The following PXDNL variants were observed in gnomAD, a reference collection of about 807,000 sequenced individuals.
The protein encoded by PXDNL is peroxidasin like, also known as probable oxidoreductase PXDNL.
Under a neutral mutation model 150.8 loss-of-function variants are expected in PXDNL, and 145 were observed. That is an observed-to-expected ratio of 0.96 (90% confidence interval 0.84 to 1.10). PXDNL has a LOEUF of 1.10. Among genes scored for constraint, PXDNL ranks in the 50% least tolerant of loss-of-function variants. PXDNL has a pLI of 0.00. For missense variants in PXDNL, 2,087 were observed against 1,873.9 expected (o/e 1.11, Z -2.10); for synonymous variants, 757 against 725.7 (o/e 1.04, Z -0.69).
chr8:51,594,589 A>C (rs1352759472), intron 2 of PXDNL, among the ~76,000 whole-genome samples: 1 of 152,202 alleles, frequency 6.6e-6, no homozygotes, highest in Non-Finnish European at 1.5e-5. Flanking sequence ...GCATAACCTA[A>C]AGTATGAGAT....
In PXDNL at chr8:51,447,053, A is replaced by C; in HGVS notation, c.1476T>G (p.Ser492Arg). 6.2e-7 allele frequency: 1 copy of C among 1,613,946 alleles called. No individual in the cohort carries two copies. Among genetic ancestry groups the C allele is most frequent in the Non-Finnish European group, 8.5e-7 (1 of 1,179,880 alleles). ...CAGACACCTTTTTCACCCCCAACGA[A>C]CTGACTGCTTGACATTCATATTGGC... The part of the protein sequence containing the change: ...DQGQYECQAV[S>R]SLGVKKVSVQ... Residue 492 changes from serine to arginine, a missense_variant, in exon 12 of 23, where the codon AGT becomes AGG. By Grantham distance (110) the Ser-to-Arg change is moderately radical (BLOSUM62 -1). Transcript: ENST00000356297.
chr8:51,597,051 ATATTT>A (rs1486793499), intron 2 of PXDNL, among the ~76,000 whole-genome samples: 8 of 152,182 alleles, frequency 5.3e-5, no homozygotes, highest in African/African-American at 1.9e-4. Flanking sequence ...TTAGATTCAA[ATATTT>A]AATCCATCTT....
chr8:51,632,149 G>A (rs1814502255), intron 2 of PXDNL, among the ~76,000 whole-genome samples: 1 of 152,090 alleles, frequency 6.6e-6, no homozygotes, highest in Non-Finnish European at 1.5e-5. Flanking sequence ...AAGAAAAAAG[G>A]ACCACTGAAG....
intron 2 of PXDNL, among the ~76,000 whole-genome samples, chr8:51,634,602 A>G (rs1814565015): frequency 6.6e-6 from 1 of 152,004 alleles, no homozygotes. Context: ...TATTCTTCCA[A>G]TCCATGAGCA....
chr8:51,745,697 G>A (rs2036976282), intron 1 of PXDNL, among the ~76,000 whole-genome samples: 2 of 151,842 alleles, frequency 1.3e-5, no homozygotes, highest in African/African-American at 2.4e-5. Context: ...GGCACCCTGA[G>A]GTCAACCTCC....
chr8:51,449,971 G>A (rs1315911157), intron 10 of PXDNL, among the ~76,000 whole-genome samples: 2 of 152,216 alleles, frequency 1.3e-5, no homozygotes, highest in Non-Finnish European at 2.9e-5. Flanking sequence ...AGGCAGAGAA[G>A]CAGTATAGGC....
chr8:51,455,540 C>T (rs1199891280), intron 9 of PXDNL, among the ~76,000 whole-genome samples: 2 of 151,972 alleles, frequency 1.3e-5, no homozygotes, highest in African/African-American at 4.8e-5. Context: ...GTGATTAGGG[C>T]ACGGGGGACT....
At chr8:51,532,587 T>G (rs1326688513) in intron 4 of PXDNL, among the ~76,000 whole-genome samples, 4 of 152,238 alleles carry the variant, frequency 2.6e-5, no homozygotes, top group African/African-American at 9.6e-5. Flanking sequence ...GTTTGCTTTT[T>G]GGTTTTTAAC....
At chr8:51,390,577 A>T (rs1163432136) in intron 17 of PXDNL, among the ~76,000 whole-genome samples, 1 of 152,164 alleles carries the variant, frequency 6.6e-6, no homozygotes, top group Non-Finnish European at 1.5e-5. Context: ...AATTTGCATG[A>T]TAACAGTTAT....
chr8:51,626,517 C>A (rs1814364147), intron 2 of PXDNL, among the ~76,000 whole-genome samples: 1 of 152,122 alleles, frequency 6.6e-6, no homozygotes, highest in African/African-American at 2.4e-5. Context: ...CCTCTGCTAT[C>A]CTCACAGCTT....
At chr8:51,584,935 G>T (rs1244513269) in intron 3 of PXDNL, among the ~76,000 whole-genome samples, 2 of 152,120 alleles carry the variant, frequency 1.3e-5, no homozygotes, top group Non-Finnish European at 2.9e-5. Context: ...CAAGGGTAAT[G>T]GATATGGAAG....
At chr8:51,690,926 A>G (rs1815982185) in intron 1 of PXDNL, among the ~76,000 whole-genome samples, 4 of 152,048 alleles carry the variant, frequency 2.6e-5, no homozygotes, top group Admixed American at 2.6e-4. Context: ...GCCAGTGATG[A>G]TGAGCATTTT....
At chr8:51,520,045 G>T (rs143318044) in intron 4 of PXDNL, among the ~76,000 whole-genome samples, 1,596 of 152,286 alleles carry the variant, frequency 0.01, 28 homozygotes, top group African/African-American at 0.037. Context: ...TGTGGACTGC[G>T]GTTGTGGGTA....
chr8:51,407,855 C>T (rs1808477997), intron 17 of PXDNL, among the ~76,000 whole-genome samples: 1 of 152,110 alleles, frequency 6.6e-6, no homozygotes, highest in South Asian at 2.1e-4. Flanking sequence ...GCAATATTTG[C>T]ATTTCCAAGG....
At position 51,420,326 on chromosome 8, in the gene PXDNL, T is replaced by G. The variant is rs543006858; in HGVS notation, c.1795+3249A>C. 3.9e-5 allele frequency among the ~76,000 whole-genome samples: 6 copies of G among 152,352 alleles called. No individual in the cohort carries two copies. In the South Asian group the frequency reaches 1.2e-3, roughly 32 times the overall value. ...CAGTCATAAAACATTCAGCAAATGT[T>G]ACTTTAGTTTGCCATATTTCCCCTT... is the stretch of plus-strand genomic sequence containing the variant. On this transcript the variant is annotated intron_variant, in intron 14 of 22. Transcript: ENST00000356297.
chr8:51,729,377 T>A (rs1441282969), intron 1 of PXDNL, among the ~76,000 whole-genome samples: 1 of 152,058 alleles, frequency 6.6e-6, no homozygotes, highest in African/African-American at 2.4e-5. Flanking sequence ...GATATACAGA[T>A]GAGAAATAAG....
chr8:51,691,624 A>C (rs1213412273), intron 1 of PXDNL, among the ~76,000 whole-genome samples: 1 of 152,130 alleles, frequency 6.6e-6, no homozygotes, highest in African/African-American at 2.4e-5. Flanking sequence ...GTTGAACAAA[A>C]CCTTCTAAGG....
chr8:51,502,826 T>C (rs940702092), intron 4 of PXDNL, among the ~76,000 whole-genome samples: 1 of 152,174 alleles, frequency 6.6e-6, no homozygotes, highest in Admixed American at 6.5e-5. Context: ...TTGCTAGAAG[T>C]AGAAAGACAG....
chr8:51,571,448 T>A (rs1812943513), intron 3 of PXDNL, among the ~76,000 whole-genome samples: 1 of 151,812 alleles, frequency 6.6e-6, no homozygotes, highest in Non-Finnish European at 1.5e-5. Context: ...TATTTACACA[T>A]CAACCTATGT....
Sources: allele counts gnomAD v4.1 joint callset (sites outside exome capture counted in the v4.1 genomes callset), GRCh38; gene constraint gnomAD v4.1.1; transcripts MANE v1.5; gene names NCBI Gene and HGNC (gene_info 2026-07-23, HGNC 2026-07-21).